USP24: variants seen among roughly 807,000 people sequenced by gnomAD.
USP24 encodes ubiquitin specific peptidase 24.
A neutral mutation model predicts 361.6 loss-of-function variants in USP24; 97 were observed. That is an observed-to-expected ratio of 0.27 (90% CI 0.23 to 0.32). The LOEUF is 0.32. USP24 is among the 10% of genes least tolerant of loss of function. USP24 has a pLI of 1.00. For synonymous variants in USP24, 1,098 were observed against 1,124.6 expected (o/e 0.98, Z 0.47); for missense variants, 2,353 against 3,165.6 (o/e 0.74, Z 6.16).
intron 38 of USP24, among the ~76,000 whole-genome samples, chr1:55,111,591 A>G (rs1645956094): frequency 6.6e-6 from 1 of 152,152 alleles, no homozygotes; most frequent in African/African-American, 2.4e-5. Flanking sequence ...TAAAAGAAGA[A>G]ATTTCTACAG....
At chr1:55,075,660 C>A (rs1234679592) in intron 62 of USP24, 137 bp from the exon 63 acceptor site, 2 of 446,848 alleles carry the variant, frequency 4.5e-6, no homozygotes, top group Non-Finnish European at 7.3e-6. Flanking sequence ...ACAACAACAA[C>A]AACAACACCA....
chr1:55,069,323 A>C (rs1423328717), intron 67 of USP24, among the ~76,000 whole-genome samples: 2 of 152,246 alleles, frequency 1.3e-5, no homozygotes, highest in Non-Finnish European at 2.9e-5. Context: ...TCAGTGAAAC[A>C]ACCCAGCGAC....
rs1283603696 is a variant in USP24, at chr1:55,073,941, A to C, written c.7448-35T>G. On this transcript the variant is annotated intron_variant, in intron 63 of 67. Transcript: ENST00000294383. ...GAGAAAAGGACATTTTAACAATAAA[A>C]GACTCAACTGAAAATGGCTCCAAGT... 4.6e-6 allele frequency: 7 copies of C among 1,527,620 alleles called. No individual in the cohort carries two copies. The South Asian group carries it at 7.3e-5, about 16-fold the overall frequency. The allele number at this position is 1,527,620 out of a possible 1,614,324, so 94.6% of individuals were successfully genotyped here.
chr1:55,167,110 T>C (rs1408687815), intron 5 of USP24, among the ~76,000 whole-genome samples: 5 of 152,182 alleles, frequency 3.3e-5, no homozygotes, highest in Non-Finnish European at 7.4e-5. Flanking sequence ...ATGTTGTACC[T>C]GCTTTTATGA....
At chr1:55,160,370 T>C (rs923802653) in intron 8 of USP24, among the ~76,000 whole-genome samples, 8 of 152,228 alleles carry the variant, frequency 5.3e-5, no homozygotes, top group African/African-American at 1.9e-4. Context: ...ATGCCAATTG[T>C]ATAGGAAGGA....
intron 54 of USP24, among the ~76,000 whole-genome samples, chr1:55,091,301 T>A (rs143646411): frequency 6.6e-6 from 1 of 152,058 alleles, no homozygotes; most frequent in African/African-American, 2.4e-5. Context: ...TAGATTCTCA[T>A]AGGAGCATGA....
chr1:55,086,816 A>C (rs1322217763), intron 55 of USP24, among the ~76,000 whole-genome samples: 1 of 152,248 alleles, frequency 6.6e-6, no homozygotes, highest in Non-Finnish European at 1.5e-5. Flanking sequence ...GAGAGCTGAG[A>C]TAGCTAAGGC....
intron 26 of USP24, 76 bp downstream of exon 26, chr1:55,138,532 G>A (rs1646799959): frequency 1.7e-5 from 18 of 1,033,734 alleles, no homozygotes; most frequent in Non-Finnish European, 2.4e-5. Context: ...TATTCATGCA[G>A]CTAACTCAAT....
chr1:55,197,533 T>C (rs755877968), intron 1 of USP24, among the ~76,000 whole-genome samples: 1 of 152,168 alleles, frequency 6.6e-6, no homozygotes, highest in Non-Finnish European at 1.5e-5. Context: ...GAGAATTGTA[T>C]GTGTGTTCAG....
rs535697034 is a variant in USP24, at chr1:55,114,815, A to G, written c.4509-4569T>C. Among the ~76,000 whole-genome samples the G allele has an allele frequency of 3.3e-5, 5 of 152,352 alleles. No individual in the cohort carries two copies. The East Asian group carries it at 7.7e-4, about 24-fold the overall frequency. ...CCTACAAGAAAACCTAGGCGATATCATTCAGGACATAGGCATGGGCAAGGA... is the reference window on the plus strand; with the variant it reads ...CCTACAAGAAAACCTAGGCGATATCGTTCAGGACATAGGCATGGGCAAGGA... On this transcript the variant is annotated intron_variant, in intron 38 of 67. Coordinates refer to ENST00000294383, the MANE Select transcript of USP24 (RefSeq NM_015306.3).
chr1:55,104,884 A>G (rs1156476093), intron 41 of USP24, among the ~76,000 whole-genome samples: 1 of 152,234 alleles, frequency 6.6e-6, no homozygotes, highest in African/African-American at 2.4e-5. Context: ...TACACAGGCT[A>G]AACACTAAAA....
intron 44 of USP24, among the ~76,000 whole-genome samples, chr1:55,100,353 G>A (rs945292292): frequency 5.3e-5 from 8 of 152,214 alleles, no homozygotes; most frequent in Admixed American, 2.6e-4. Context: ...AAAATTAGCC[G>A]GGCATGGGGG....
At chr1:55,090,942 G>T (rs763895059) in intron 54 of USP24, among the ~76,000 whole-genome samples, 1 of 152,154 alleles carries the variant, frequency 6.6e-6, no homozygotes, top group African/African-American at 2.4e-5. Context: ...AAAATTTGCC[G>T]GGTGTGGTGG....
At chr1:55,100,288 G>C (rs921721764) in intron 44 of USP24, among the ~76,000 whole-genome samples, 3 of 152,162 alleles carry the variant, frequency 2.0e-5, no homozygotes, top group Admixed American at 6.5e-5. Context: ...CCTGAGGTCG[G>C]GAGTTCAAGA....
intron 39 of USP24, among the ~76,000 whole-genome samples, chr1:55,109,188 G>A (rs1015872005): frequency 2.6e-5 from 4 of 152,170 alleles, no homozygotes; most frequent in South Asian, 2.1e-4. Context: ...TGTCGGCCAG[G>A]CTGGTCTCGA....
At chr1:55,131,411 C>A (rs1430915668) in intron 31 of USP24, among the ~76,000 whole-genome samples, 1 of 152,156 alleles carries the variant, frequency 6.6e-6, no homozygotes, top group Non-Finnish European at 1.5e-5. Context: ...AAAGTTAATT[C>A]TTAAACACAA....
At position 55,148,578 on chromosome 1, in the gene USP24, T is replaced by TA; in HGVS notation, c.1861-9dup. ...ATTATTAAGCTGAGATGACTAGAGT[T>TA]AAAAAGAAGTTACATTAATTAAATT... is the stretch of plus-strand genomic sequence containing the variant. On this transcript the variant is annotated splice_polypyrimidine_tract_variant and intron_variant, in intron 16 of 67. Transcript: ENST00000294383. 6.5e-7 allele frequency: 1 copy of TA among 1,534,964 alleles called. No homozygotes were observed.
chr1:55,144,055 C>CT (rs201656425), intron 21 of USP24, 72 bp downstream of exon 21: 22,125 of 1,032,752 alleles, frequency 0.021, 3 homozygotes, highest in East Asian at 0.05. Flanking sequence ...AATTATAACA[C>CT]TTTTTTTTTT....
chr1:55,190,858 CAG>C, intron 1 of USP24, among the ~76,000 whole-genome samples: 1 of 152,224 alleles, frequency 6.6e-6, no homozygotes, highest in Admixed American at 6.5e-5. Flanking sequence ...AATCGTGCTC[CAG>C]AGAGAAGATT....
Sources: allele counts gnomAD v4.1 joint callset (sites outside exome capture counted in the v4.1 genomes callset), GRCh38; gene constraint gnomAD v4.1.1; transcripts MANE v1.5; gene names NCBI Gene and HGNC (gene_info 2026-07-23, HGNC 2026-07-21).